The following MCM6 variants were observed in gnomAD, a reference collection of about 807,000 sequenced individuals.
MCM6 encodes DNA replication licensing factor MCM6.
In MCM6, 46 loss-of-function variants were observed where a neutral mutation model predicts 94.3. The ratio of observed to expected loss-of-function variants is 0.49; its 90% CI spans 0.39 to 0.62. The LOEUF (loss-of-function observed/expected upper bound fraction) is 0.62. Ranked by LOEUF, MCM6 falls within the 20% of genes least tolerant of loss-of-function variation. The pLI is 0.00. For synonymous variants in MCM6, 335 were observed against 351.9 expected, an observed-to-expected ratio of 0.95 and a Z score of 0.54; for missense variants, 865 against 1,017.9, an observed-to-expected ratio of 0.85 and a Z score of 2.04.
intron 16 of MCM6, among the ~76,000 whole-genome samples, chr2:135,842,845 G>A (rs761509473): frequency 3.3e-5 from 5 of 152,132 alleles, no homozygotes; most frequent in East Asian, 1.9e-4. Context: ...GGTGAATGAG[G>A]GGACAGGGGT....
chr2:135,843,465 G>A (rs1445433510), intron 16 of MCM6, among the ~76,000 whole-genome samples: 1 of 152,100 alleles, frequency 6.6e-6, no homozygotes, highest in African/African-American at 2.4e-5. Context: ...AGGCACGGTG[G>A]CTCACGCCTG....
intron 9 of MCM6, among the ~76,000 whole-genome samples, chr2:135,858,347 T>C (rs1679929216): frequency 6.6e-6 from 1 of 151,956 alleles, no homozygotes; most frequent in South Asian, 2.1e-4. Context: ...ATTAGCCAGG[T>C]GTGGTGGTGT....
rs1680294899 is a variant in MCM6 at position 135,876,240 on chromosome 2, G to C, written c.107+19C>G. On this transcript the variant is annotated intron_variant, in intron 1 of 16. Coordinates refer to ENST00000264156, the MANE Select transcript of MCM6 (RefSeq NM_005915.6). ...CAGGCTCCGGAGGCGGGCGAGGCCC[G>C]GGGCGCTCGCCGACTTACTCCTCCA... 1 of 1,568,718 alleles carries C rather than the reference G, an allele frequency of 6.4e-7. No individual in the cohort carries two copies. The highest frequency in any genetic ancestry group is 8.6e-7 in the Non-Finnish European group (1 of 1,159,940).
At chr2:135,867,243 C>T (rs1481083789) in intron 4 of MCM6, among the ~76,000 whole-genome samples, 1 of 152,082 alleles carries the variant, frequency 6.6e-6, no homozygotes, top group African/African-American at 2.4e-5. Flanking sequence ...TAAAGACAAT[C>T]CTGTTACAAT....
At chr2:135,866,347 A>G in intron 5 of MCM6, 70 bp from the exon 6 acceptor site, 1 of 1,565,332 alleles carries the variant, frequency 6.4e-7, no homozygotes, top group South Asian at 1.1e-5. Flanking sequence ...TTGCTCAAAT[A>G]AATGAAAGCT....
chr2:135,841,754 A>G (rs1679577168), intron 16 of MCM6, among the ~76,000 whole-genome samples: 1 of 152,214 alleles, frequency 6.6e-6, no homozygotes, highest in Non-Finnish European at 1.5e-5. Flanking sequence ...TCATCAGCAC[A>G]GTATAAGCTC....
intron 12 of MCM6, 187 bp from the exon 13 acceptor site, chr2:135,851,750 G>A (rs2304369): frequency 0.044 from 18,597 of 423,448 alleles, 849 homozygotes; most frequent in African/African-American, 0.15. Flanking sequence ...AAGGAGGCTT[G>A]TGAATTCCAT....
chr2:135,869,249 A>T (rs189770288), intron 3 of MCM6, among the ~76,000 whole-genome samples: 2,103 of 152,154 alleles, frequency 0.014, 21 homozygotes, highest in Middle Eastern at 0.031. Context: ...AAAAATACAA[A>T]AACTAGCCAG....
At chr2:135,850,624 C>A (rs1003751254) in intron 13 of MCM6, among the ~76,000 whole-genome samples, 2 of 152,068 alleles carry the variant, frequency 1.3e-5, no homozygotes, top group South Asian at 2.1e-4. Context: ...AAAAAATTAA[C>A]CTGTGGGATA....
At chr2:135,856,707 A>T (rs773204101) in intron 11 of MCM6, 21 bp downstream of exon 11, 2 of 1,610,804 alleles carry the variant, frequency 1.2e-6, no homozygotes. Context: ...TGGAAATAAA[A>T]AAGGAAGCTC....
chr2:135,857,302 C>T (rs188433698), intron 10 of MCM6, among the ~76,000 whole-genome samples: 10 of 152,110 alleles, frequency 6.6e-5, no homozygotes, highest in African/African-American at 1.9e-4. Flanking sequence ...GAAGTTAAAC[C>T]AGCAGGAATG....
intron 13 of MCM6, among the ~76,000 whole-genome samples, chr2:135,848,412 C>T (rs934661622): frequency 5.9e-5 from 9 of 152,160 alleles, no homozygotes; most frequent in African/African-American, 2.2e-4. Context: ...CTGACAATAT[C>T]AAGTGTTGTC....
intron 15 of MCM6, among the ~76,000 whole-genome samples, chr2:135,845,616 A>C (rs1004460506): frequency 6.6e-6 from 1 of 152,238 alleles, no homozygotes; most frequent in Non-Finnish European, 1.5e-5. Flanking sequence ...TGGGGCTTTT[A>C]ATCAAGAATT....
chr2:135,852,936 C>G (rs2105578221), intron 11 of MCM6, 21 bp from the exon 12 acceptor site: 1 of 1,576,142 alleles, frequency 6.3e-7, no homozygotes, highest in East Asian at 2.3e-5. Context: ...ACAAAAAAAT[C>G]ACTTTGATAG....
chr2:135,870,848 G>C lies in MCM6; in HGVS notation c.255-487C>G, dbSNP rs114005839. Among the ~76,000 whole-genome samples the C allele has an allele frequency of 6.3e-3, 961 of 152,264 alleles. 12 individuals are homozygous for C. The highest frequency in any genetic ancestry group is 0.022 in the African/African-American group (923 of 41,558). ...TGCAGCCTCAATCTACCTAGGCTCA[G>C]GTGATCCTCCCATCTCAGCTTGCTG... is the stretch of plus-strand genomic sequence containing the variant. On this transcript the variant is annotated intron_variant, in intron 2 of 16. Transcript: ENST00000264156.
rs1307863266 is a variant in MCM6, at chr2:135,854,560, GA to G, written c.1627-1646del. Among the ~76,000 whole-genome samples, 888 of 132,662 alleles carry G rather than the reference GA, an allele frequency of 6.7e-3. 28 individuals are homozygous for G. The highest frequency in any genetic ancestry group is 0.014 in the Middle Eastern group (3 of 218). 87.0% of individuals were successfully genotyped at this position (132,662 alleles called of 152,430 possible). A position where few individuals can be genotyped will look rare whatever the true frequency, so the allele number is the denominator to read the frequency against. The stretch of plus-strand genomic sequence containing the variant: ...AAAAAAAAAAAAAAAAAGAGAAAAA[GA>G]AAAAGAAAAAGAAAAAGAAAAGGCT... On this transcript the variant is annotated intron_variant, in intron 11 of 16. Coordinates refer to ENST00000264156, the MANE Select transcript of MCM6 (RefSeq NM_005915.6).
intron 9 of MCM6, 82 bp downstream of exon 9, chr2:135,859,219 T>G: frequency 8.6e-7 from 1 of 1,165,860 alleles, no homozygotes; most frequent in Non-Finnish European, 1.2e-6. Context: ...AGGACATCTT[T>G]TTAATGGTAA....
At chr2:135,841,080 T>A (rs554872894) in intron 16 of MCM6, 129 bp from the exon 17 acceptor site, 1 of 690,354 alleles carries the variant, frequency 1.4e-6, no homozygotes. Flanking sequence ...TAGAAACTCC[T>A]AGGAAAAGGA....
chr2:135,850,829 T>C (rs1679768233), intron 13 of MCM6, among the ~76,000 whole-genome samples: 1 of 151,832 alleles, frequency 6.6e-6, no homozygotes, highest in African/African-American at 2.4e-5. Context: ...AGTCACACTG[T>C]AAAAAAAAGC....
Sources: gnomAD v4.1 joint callset for allele counts (sites outside exome capture counted in the v4.1 genomes callset) on GRCh38, gnomAD v4.1.1 for gene constraint, MANE v1.5 for transcripts, NCBI Gene and HGNC (gene_info 2026-07-23, HGNC 2026-07-21) for gene names.